PTPRR: variants seen among roughly 807,000 people sequenced by gnomAD.
PTPRR encodes protein tyrosine phosphatase receptor type R, also known as receptor-type tyrosine-protein phosphatase R.
PTPRR carries 38 observed loss-of-function variants against 77.2 expected under a neutral mutation model. The observed-to-expected ratio is 0.49, with a 90% CI of 0.38 to 0.65. The LOEUF (loss-of-function observed/expected upper bound fraction) is 0.65. Ranked by LOEUF, PTPRR falls within the 30% of genes least tolerant of loss-of-function variation. The probability of loss-of-function intolerance (pLI) is 0.00; values close to 1 mark genes in which losing one functional copy is unlikely to be tolerated. For missense variants in PTPRR, 744 were observed against 799.2 expected, an observed-to-expected ratio of 0.93 and a Z score of 0.83; for synonymous variants, 299 against 283.1, an observed-to-expected ratio of 1.06 and a Z score of -0.57.
At chr12:70,736,411 A>G (rs1332550438) in intron 6 of PTPRR, among the ~76,000 whole-genome samples, 2 of 152,116 alleles carry the variant, frequency 1.3e-5, no homozygotes, top group Admixed American at 6.5e-5. Flanking sequence ...TTTCCCACAG[A>G]TTATAGGTGT....
chr12:70,729,354 ATCT>A (rs1279307672), intron 6 of PTPRR, among the ~76,000 whole-genome samples: 1 of 114,416 alleles, frequency 8.7e-6, no homozygotes, highest in African/African-American at 3.0e-5. Context: ...CTATCTATCT[ATCT>A]ATCTATCTGA....
intron 1 of PTPRR, among the ~76,000 whole-genome samples, chr12:70,913,125 C>A (rs1390860153): frequency 6.6e-6 from 1 of 152,124 alleles, no homozygotes; most frequent in Admixed American, 6.5e-5. Flanking sequence ...GATTTGTGAT[C>A]TGATCATCTC....
chr12:70,867,802 G>A, intron 2 of PTPRR, among the ~76,000 whole-genome samples: 1 of 152,134 alleles, frequency 6.6e-6, no homozygotes. Context: ...CAAGGCTACA[G>A]TAACCAAAAC....
At chr12:70,672,144 T>C in intron 10 of PTPRR, 2 of 1,440,612 alleles carry the variant, frequency 1.4e-6, no homozygotes, top group Admixed American at 1.8e-5. Flanking sequence ...GGAGAGGCCA[T>C]CCTCTCAGTG....
At chr12:70,672,891 TG>T (rs1433734540) in intron 10 of PTPRR, 4 of 1,551,560 alleles carry the variant, frequency 2.6e-6, no homozygotes, top group African/African-American at 2.7e-5. Context: ...GGTCATAGGA[TG>T]GGGGCATCTG....
chr12:70,722,332 T>C (rs1387706187), intron 6 of PTPRR, among the ~76,000 whole-genome samples: 1 of 152,220 alleles, frequency 6.6e-6, no homozygotes, highest in Non-Finnish European at 1.5e-5. Context: ...TTCCTTCATC[T>C]TCCTATATAG....
intron 2 of PTPRR, among the ~76,000 whole-genome samples, chr12:70,845,657 T>G (rs1430778749): frequency 6.6e-6 from 1 of 152,186 alleles, no homozygotes; most frequent in African/African-American, 2.4e-5. Flanking sequence ...TCATGAATCT[T>G]AAGTCTTCAT....
chr12:70,873,021 G>A (rs1407104226), intron 2 of PTPRR, among the ~76,000 whole-genome samples: 1 of 152,130 alleles, frequency 6.6e-6, no homozygotes, highest in Non-Finnish European at 1.5e-5. Context: ...TTAATATCCT[G>A]ATTTTTATGA....
At chr12:70,897,460 A>G (rs1893450486) in intron 1 of PTPRR, among the ~76,000 whole-genome samples, 2 of 152,042 alleles carry the variant, frequency 1.3e-5, no homozygotes, top group Middle Eastern at 3.4e-3. Flanking sequence ...ATGAGATACC[A>G]TCTCACACCA....
chr12:70,686,640 C>A (rs1320326884), intron 8 of PTPRR, among the ~76,000 whole-genome samples: 1 of 152,064 alleles, frequency 6.6e-6, no homozygotes, highest in African/African-American at 2.4e-5. Flanking sequence ...CTGGAGGAAG[C>A]TAATGGCCAT....
At chr12:70,656,920 T>C (rs959827943) in intron 12 of PTPRR, 103 bp from the exon 13 acceptor site, 3 of 724,502 alleles carry the variant, frequency 4.1e-6, no homozygotes, top group Admixed American at 4.3e-5. Flanking sequence ...CAGTTAAAAG[T>C]AGTATTCACA....
intron 13 of PTPRR, among the ~76,000 whole-genome samples, chr12:70,643,367 G>A (rs893286900): frequency 6.6e-6 from 1 of 151,624 alleles, no homozygotes; most frequent in Non-Finnish European, 1.5e-5. Flanking sequence ...GAGAGAGAGG[G>A]TTTTGCCATG....
At position 70,792,266 on chromosome 12, in the gene PTPRR, T is replaced by C. The variant is rs144511650; in HGVS notation, c.358-27488A>G. 5.9e-3 allele frequency among the ~76,000 whole-genome samples: 896 copies of C among 152,278 alleles called. 5 individuals carry two copies. The highest frequency in any genetic ancestry group is 0.01 in the Non-Finnish European group (705 of 68,016). On this transcript the variant is annotated intron_variant, in intron 2 of 13. Transcript: ENST00000283228. ...GTACTCAATAAATGTTACCATAAGA[T>C]AGTTTTGTTATTATTAAGTTGGGCA...
At chr12:70,795,248 T>A (rs1170795310) in intron 2 of PTPRR, among the ~76,000 whole-genome samples, 7 of 152,162 alleles carry the variant, frequency 4.6e-5, no homozygotes, top group Non-Finnish European at 1.0e-4. Flanking sequence ...CACACCCAAC[T>A]TATATTAAAT....
At chr12:70,718,828 A>G (rs1436805653) in intron 6 of PTPRR, among the ~76,000 whole-genome samples, 2 of 152,254 alleles carry the variant, frequency 1.3e-5, no homozygotes, top group South Asian at 2.1e-4. Flanking sequence ...AGATTGAAAC[A>G]TATTTATACC....
At chr12:70,776,340 T>C (rs1245243944) in intron 2 of PTPRR, among the ~76,000 whole-genome samples, 1 of 152,208 alleles carries the variant, frequency 6.6e-6, no homozygotes, top group Non-Finnish European at 1.5e-5. Flanking sequence ...GTTCAGATCA[T>C]CACCATGACT....
At chr12:70,781,551 G>A (rs1891202995) in intron 2 of PTPRR, among the ~76,000 whole-genome samples, 1 of 152,170 alleles carries the variant, frequency 6.6e-6, no homozygotes, top group Non-Finnish European at 1.5e-5. Flanking sequence ...CAGCCATATA[G>A]GTGCATTCTG....
chr12:70,721,103 C>T (rs191309996), intron 6 of PTPRR, among the ~76,000 whole-genome samples: 121 of 152,286 alleles, frequency 7.9e-4, no homozygotes, highest in African/African-American at 2.7e-3. Flanking sequence ...GTGTTGCAGG[C>T]ATATACCCAT....
At chr12:70,723,286 A>G (rs1302593812) in intron 6 of PTPRR, among the ~76,000 whole-genome samples, 1 of 152,152 alleles carries the variant, frequency 6.6e-6, no homozygotes, top group Non-Finnish European at 1.5e-5. Context: ...CACATCACCA[A>G]AATTTCAGCT....
Sources: gnomAD v4.1 joint callset for allele counts (sites outside exome capture counted in the v4.1 genomes callset) on GRCh38, gnomAD v4.1.1 for gene constraint, MANE v1.5 for transcripts, NCBI Gene and HGNC (gene_info 2026-07-23, HGNC 2026-07-21) for gene names.